BRINP3: variants seen among roughly 807,000 people sequenced by gnomAD.
The protein encoded by BRINP3 is BMP/retinoic acid inducible neural specific 3, also known as BMP/retinoic acid-inducible neural-specific protein 3.
Under a neutral mutation model 71.0 loss-of-function variants are expected in BRINP3, and 19 were observed. That is an observed-to-expected ratio of 0.27 (90% CI 0.19 to 0.39). The LOEUF (loss-of-function observed/expected upper bound fraction) is 0.39. Ranked by LOEUF, BRINP3 falls within the 10% of genes least tolerant of loss-of-function variation. The pLI is 1.00. For synonymous variants in BRINP3, 380 were observed against 337.7 expected, an observed-to-expected ratio of 1.13 and a Z score of -1.37; for missense variants, 959 against 940.8, an observed-to-expected ratio of 1.02 and a Z score of -0.25.
At chr1:190,244,321 T>G (rs1157261196) in intron 4 of BRINP3, among the ~76,000 whole-genome samples, 1 of 152,060 alleles carries the variant, frequency 6.6e-6, no homozygotes, top group Non-Finnish European at 1.5e-5. Context: ...ACTACTCCCT[T>G]TATTAATTCC....
At chr1:190,301,286 T>G (rs1250541755) in intron 2 of BRINP3, among the ~76,000 whole-genome samples, 1 of 145,352 alleles carries the variant, frequency 6.9e-6, no homozygotes, top group Non-Finnish European at 1.5e-5. Flanking sequence ...GGGTCAATAT[T>G]TTACCAGTTC....
intron 4 of BRINP3, among the ~76,000 whole-genome samples, chr1:190,259,733 G>C (rs981426152): frequency 5.3e-5 from 8 of 151,876 alleles, no homozygotes; most frequent in African/African-American, 9.7e-5. Context: ...TTATCTAATA[G>C]AAAGTCTCAA....
At chr1:190,101,472 G>A (rs1376753893) in intron 7 of BRINP3, among the ~76,000 whole-genome samples, 1 of 152,070 alleles carries the variant, frequency 6.6e-6, no homozygotes, top group Non-Finnish European at 1.5e-5. Flanking sequence ...TAATACTACA[G>A]ATTCATCATT....
At chr1:190,305,967 C>T (rs1665067009) in intron 2 of BRINP3, among the ~76,000 whole-genome samples, 1 of 151,630 alleles carries the variant, frequency 6.6e-6, no homozygotes, top group Non-Finnish European at 1.5e-5. Context: ...ACTATATGTC[C>T]TATCACATGC....
At chr1:190,410,412 T>A (rs1000665424) in intron 2 of BRINP3, among the ~76,000 whole-genome samples, 8 of 152,072 alleles carry the variant, frequency 5.3e-5, no homozygotes, top group African/African-American at 1.4e-4. Context: ...TGTAAATATA[T>A]AAAATAAAGG....
intron 2 of BRINP3, among the ~76,000 whole-genome samples, chr1:190,356,530 A>G (rs975262451): frequency 6.6e-6 from 1 of 151,902 alleles, no homozygotes; most frequent in Non-Finnish European, 1.5e-5. Flanking sequence ...CATTTCTCCA[A>G]TGTCAGGAGG....
chr1:190,118,635 G>A (rs1045242676), intron 7 of BRINP3, among the ~76,000 whole-genome samples: 1 of 152,146 alleles, frequency 6.6e-6, no homozygotes, highest in Non-Finnish European at 1.5e-5. Flanking sequence ...AAATGGCTGA[G>A]CTGGGATTTG....
chr1:190,443,333 A>G (rs141536150), intron 2 of BRINP3, among the ~76,000 whole-genome samples: 23,282 of 150,514 alleles, frequency 0.15, 1,876 homozygotes, highest in South Asian at 0.21. Flanking sequence ...TGAACCAGGG[A>G]GGCGGAGCTT....
At chr1:190,102,948 T>C (rs1400604844) in intron 7 of BRINP3, among the ~76,000 whole-genome samples, 1 of 152,048 alleles carries the variant, frequency 6.6e-6, no homozygotes, top group Admixed American at 6.6e-5. Context: ...CACTGAGAAA[T>C]CATGTGACAT....
intron 2 of BRINP3, among the ~76,000 whole-genome samples, chr1:190,378,888 C>G (rs1170802424): frequency 1.3e-5 from 2 of 152,076 alleles, no homozygotes; most frequent in Non-Finnish European, 2.9e-5. Flanking sequence ...TTCACATGAC[C>G]CCAGTAGGAC....
intron 2 of BRINP3, among the ~76,000 whole-genome samples, chr1:190,427,624 T>C (rs1383514914): frequency 6.6e-6 from 1 of 152,028 alleles, no homozygotes; most frequent in Non-Finnish European, 1.5e-5. Flanking sequence ...TTTTTAAAAA[T>C]GAGGGTTTGG....
At chr1:190,199,012 T>C (rs557572256) in intron 6 of BRINP3, among the ~76,000 whole-genome samples, 1 of 126,802 alleles carries the variant, frequency 7.9e-6, no homozygotes, top group South Asian at 2.4e-4. Context: ...GGATTCACAG[T>C]TCCACATGCC....
intron 1 of BRINP3, among the ~76,000 whole-genome samples, chr1:190,458,574 T>C (rs1676166350): frequency 2.0e-5 from 3 of 152,072 alleles, no homozygotes; most frequent in Admixed American, 2.0e-4. Flanking sequence ...TATTACTGAA[T>C]TACCTTAATT....
intron 2 of BRINP3, among the ~76,000 whole-genome samples, chr1:190,297,458 C>A (rs978160586): frequency 6.6e-6 from 1 of 151,986 alleles, no homozygotes; most frequent in African/African-American, 2.4e-5. Flanking sequence ...TCCTTGTTTA[C>A]AACCTTAATG....
intron 2 of BRINP3, among the ~76,000 whole-genome samples, chr1:190,372,442 A>G (rs1669926476): frequency 6.6e-6 from 1 of 152,188 alleles, no homozygotes; most frequent in African/African-American, 2.4e-5. Flanking sequence ...ATAGACAGAA[A>G]CAGCAGCTTT....
At chr1:190,267,909 G>A (rs1003877717) in intron 3 of BRINP3, among the ~76,000 whole-genome samples, 2 of 151,912 alleles carry the variant, frequency 1.3e-5, no homozygotes, top group African/African-American at 4.8e-5. Flanking sequence ...TGATAATACT[G>A]AAAATGTAAA....
chr1:190,204,990 CAAA>C (rs35361616), intron 6 of BRINP3, among the ~76,000 whole-genome samples: 14 of 142,894 alleles, frequency 9.8e-5, no homozygotes, highest in Admixed American at 7.0e-5. Flanking sequence ...TTTCCTTTGG[CAAA>C]AAAAAAAAAA....
intron 6 of BRINP3, among the ~76,000 whole-genome samples, chr1:190,161,450 C>T (rs1036806543): frequency 1.3e-5 from 2 of 151,240 alleles, no homozygotes; most frequent in South Asian, 2.1e-4. Context: ...TAATTATAAC[C>T]GATCTTATTT....
At position 190,221,036 on chromosome 1, in the gene BRINP3, G is replaced by A. The variant is rs536172555; in HGVS notation, c.961+5046C>T. Among the ~76,000 whole-genome samples, 31 of 152,154 alleles carry A rather than the reference G, an allele frequency of 2.0e-4. No individual in the cohort carries two copies. The South Asian group carries it at 6.4e-3, about 32-fold the overall frequency. Reference sequence around the variant, plus strand: ...AGTTCGAGACCAGCCTGGCCAACATGGTGAAACCCTGTCTCTACTACAAAC... The same window carrying A: ...AGTTCGAGACCAGCCTGGCCAACATAGTGAAACCCTGTCTCTACTACAAAC... On this transcript the variant is annotated intron_variant, in intron 6 of 7. Transcript: ENST00000367462.
Sources: gnomAD v4.1 joint callset for allele counts (sites outside exome capture counted in the v4.1 genomes callset) on GRCh38, gnomAD v4.1.1 for gene constraint, MANE v1.5 for transcripts, NCBI Gene and HGNC (gene_info 2026-07-23, HGNC 2026-07-21) for gene names.